Variants in RBM47 observed in about 807,000 individuals in gnomAD.
RBM47 encodes the protein RNA-binding protein 47.
Under a neutral mutation model 47.1 loss-of-function variants are expected in RBM47, and 21 were observed. The observed-to-expected ratio is 0.45, with a 90% confidence interval of 0.32 to 0.64. The LOEUF (loss-of-function observed/expected upper bound fraction) is 0.64. Ranked by LOEUF, RBM47 falls within the 30% of genes least tolerant of loss-of-function variation. The pLI, the probability that RBM47 is intolerant of heterozygous loss-of-function variation, is 0.05. For missense variants in RBM47, 708 were observed against 870.9 expected (o/e 0.81, Z 2.35); for synonymous variants, 375 against 361.7 (o/e 1.04, Z -0.42).
At chr4:40,481,965 C>T (rs1330888505) in intron 2 of RBM47, among the ~76,000 whole-genome samples, 12 of 152,178 alleles carry the variant, frequency 7.9e-5, no homozygotes, top group Admixed American at 7.9e-4. Context: ...TGATTACAGG[C>T]ATGTGCCACT....
chr4:40,431,916 AC>A (rs1356275084), intron 6 of RBM47, among the ~76,000 whole-genome samples: 2 of 151,806 alleles, frequency 1.3e-5, no homozygotes, highest in Admixed American at 1.3e-4. Flanking sequence ...TAGTGCAATC[AC>A]AGATCACTGC....
intron 1 of RBM47, among the ~76,000 whole-genome samples, chr4:40,553,930 C>T (rs973889162): frequency 1.3e-5 from 2 of 152,140 alleles, no homozygotes; most frequent in Non-Finnish European, 2.9e-5. Context: ...ATAGGGCCTT[C>T]GTCGTAAGAT....
intron 1 of RBM47, among the ~76,000 whole-genome samples, chr4:40,569,104 T>G (rs1331123152): frequency 6.6e-6 from 1 of 151,838 alleles, no homozygotes; most frequent in Non-Finnish European, 1.5e-5. Flanking sequence ...GAAGTCAAAT[T>G]ATTTCTACAA....
chr4:40,594,918 A>G (rs536969845), intron 1 of RBM47, among the ~76,000 whole-genome samples: 1 of 152,272 alleles, frequency 6.6e-6, no homozygotes, highest in East Asian at 1.9e-4. Flanking sequence ...TTGAAGACTG[A>G]GTATTACTGT....
chr4:40,458,738 A>C, intron 3 of RBM47, among the ~76,000 whole-genome samples: 1 of 151,984 alleles, frequency 6.6e-6, no homozygotes, highest in South Asian at 2.1e-4. Flanking sequence ...CCACCTTTCC[A>C]GCTCTGGTGA....
chr4:40,571,248 C>G (rs1456972445), intron 1 of RBM47, among the ~76,000 whole-genome samples: 1 of 151,756 alleles, frequency 6.6e-6, no homozygotes, highest in African/African-American at 2.4e-5. Flanking sequence ...AAAGAAAATA[C>G]TGACACATAA....
chr4:40,551,172 A>C (rs1265701353), intron 1 of RBM47, among the ~76,000 whole-genome samples: 1 of 152,212 alleles, frequency 6.6e-6, no homozygotes, highest in African/African-American at 2.4e-5. Flanking sequence ...AGAGGTATAC[A>C]CACATCACTA....
chr4:40,464,714 C>T (rs975153355), intron 3 of RBM47, among the ~76,000 whole-genome samples: 5 of 150,860 alleles, frequency 3.3e-5, no homozygotes, highest in African/African-American at 9.7e-5. Context: ...GGTGAAACCC[C>T]GTCTCTATTA....
chr4:40,598,713 C>T (rs546607743), intron 1 of RBM47, among the ~76,000 whole-genome samples: 3 of 152,140 alleles, frequency 2.0e-5, no homozygotes, highest in African/African-American at 7.2e-5. Context: ...AGTAAGAGTA[C>T]AAATTAAGCT....
chr4:40,507,039 C>T (rs1018718250), intron 2 of RBM47, among the ~76,000 whole-genome samples: 7 of 152,208 alleles, frequency 4.6e-5, no homozygotes, highest in Non-Finnish European at 1.0e-4. Context: ...TCGCTGCAAC[C>T]TCCAGCTCCC....
intron 1 of RBM47, among the ~76,000 whole-genome samples, chr4:40,623,511 T>G (rs552288922): frequency 6.6e-6 from 1 of 152,124 alleles, no homozygotes; most frequent in Non-Finnish European, 1.5e-5. Context: ...ACCCTCCGTA[T>G]TTTTTAGAGG....
At chr4:40,619,350 C>T (rs1737045894) in intron 1 of RBM47, among the ~76,000 whole-genome samples, 1 of 152,226 alleles carries the variant, frequency 6.6e-6, no homozygotes, top group South Asian at 2.1e-4. Flanking sequence ...ATCACTTGAG[C>T]CCAAGACTTT....
chr4:40,451,085 G>A (rs534594645), intron 3 of RBM47, among the ~76,000 whole-genome samples: 14 of 150,900 alleles, frequency 9.3e-5, no homozygotes, highest in Non-Finnish European at 1.9e-4. Flanking sequence ...AGTGGCTCAC[G>A]CCTGTAATCC....
chr4:40,579,413 C>A (rs1251098970), intron 1 of RBM47, among the ~76,000 whole-genome samples: 1 of 98,044 alleles, frequency 1.0e-5, no homozygotes, highest in Non-Finnish European at 1.9e-5. Flanking sequence ...CAGAGCGAGA[C>A]CCTGTCTCAG....
chr4:40,581,725 T>C (rs868129573), intron 1 of RBM47, among the ~76,000 whole-genome samples: 7 of 150,818 alleles, frequency 4.6e-5, no homozygotes, highest in Non-Finnish European at 8.9e-5. Flanking sequence ...GCCTTCAGGG[T>C]GTGTGTGAAG....
At chr4:40,535,772 T>C (rs1727913422) in intron 2 of RBM47, among the ~76,000 whole-genome samples, 2 of 152,046 alleles carry the variant, frequency 1.3e-5, no homozygotes, top group Admixed American at 6.6e-5. Context: ...GTTGACCAGG[T>C]TGGTCTTGAA....
At chr4:40,526,576 T>C (rs967832212) in intron 2 of RBM47, among the ~76,000 whole-genome samples, 1 of 151,998 alleles carries the variant, frequency 6.6e-6, no homozygotes, top group African/African-American at 2.4e-5. Context: ...TTTTGGGGTT[T>C]TTGTTTTTTG....
chr4:40,511,549 A>C (rs1724931765), intron 2 of RBM47, among the ~76,000 whole-genome samples: 1 of 152,240 alleles, frequency 6.6e-6, no homozygotes, highest in African/African-American at 2.4e-5. Context: ...TTCAGGACTT[A>C]ATGTGATGCA....
chr4:40,508,198 G>C (rs574840602), intron 2 of RBM47, among the ~76,000 whole-genome samples: 1 of 152,230 alleles, frequency 6.6e-6, no homozygotes, highest in East Asian at 1.9e-4. Context: ...CAATTTTCAC[G>C]TTTTGTTCAG....
Sources: allele counts gnomAD v4.1 joint callset (sites outside exome capture counted in the v4.1 genomes callset), GRCh38; gene constraint gnomAD v4.1.1; transcripts MANE v1.5; gene names NCBI Gene and HGNC (gene_info 2026-07-23, HGNC 2026-07-21).